Variants in REPS2 observed in about 807,000 individuals in gnomAD.
REPS2 encodes ralBP1-associated Eps domain-containing protein 2.
REPS2 carries 23 observed loss-of-function variants against 53.6 expected under a neutral mutation model. That is an observed-to-expected ratio of 0.43 (90% CI 0.31 to 0.61). The LOEUF is 0.61. Ranked by LOEUF, REPS2 falls within the 20% of genes least tolerant of loss-of-function variation. The pLI, the probability that REPS2 is intolerant of heterozygous loss-of-function variation, is 0.11. For missense variants in REPS2, 446 were observed against 534.9 expected (o/e 0.83, Z 1.64); for synonymous variants, 238 against 218.6 (o/e 1.09, Z -0.78).
intron 2 of REPS2, among the ~76,000 whole-genome samples, chrX:17,009,995 G>T (rs1048594611): frequency 1.8e-5 from 2 of 110,926 alleles, no homozygotes; most frequent in Non-Finnish European, 3.8e-5. Context: ...ATTTTATCTT[G>T]CAGTCTTGGG....
chrX:17,024,529 C>A (rs1434188640), intron 3 of REPS2, among the ~76,000 whole-genome samples: 7 of 106,645 alleles, frequency 6.6e-5, no homozygotes, highest in African/African-American at 2.1e-4. Context: ...AATGGTTTAC[C>A]TATAATGAAT....
At chrX:16,979,735 T>C (rs1274269736) in intron 1 of REPS2, among the ~76,000 whole-genome samples, 1 of 111,930 alleles carries the variant, frequency 8.9e-6, no homozygotes, top group Non-Finnish European at 1.9e-5. Flanking sequence ...TCCTAAATAG[T>C]GTCTACAGAC....
intron 1 of REPS2, among the ~76,000 whole-genome samples, chrX:17,001,789 G>A (rs1178364499): frequency 8.9e-6 from 1 of 111,986 alleles, no homozygotes; most frequent in African/African-American, 3.2e-5. Flanking sequence ...ATCATGGCAG[G>A]AGGCAAAAGG....
intron 14 of REPS2, among the ~76,000 whole-genome samples, chrX:17,119,077 C>G (rs1348608278): frequency 8.9e-6 from 1 of 112,370 alleles, no homozygotes; most frequent in Non-Finnish European, 1.9e-5. Flanking sequence ...ATTTAAGCCT[C>G]ACAACAACCA....
chrX:17,018,814 A>T (rs898961614), intron 2 of REPS2, among the ~76,000 whole-genome samples: 3 of 106,397 alleles, frequency 2.8e-5, no homozygotes, highest in Non-Finnish European at 5.8e-5. Flanking sequence ...AAATTGAGGT[A>T]TTTTTTTTTC....
At chrX:16,973,779 A>G (rs2060922931) in intron 1 of REPS2, among the ~76,000 whole-genome samples, 1 of 109,622 alleles carries the variant, frequency 9.1e-6, no homozygotes, top group African/African-American at 3.4e-5. Flanking sequence ...TCATATATGT[A>G]TATGTATTTT....
At chrX:16,978,461 G>T in intron 1 of REPS2, 2 of 362,952 alleles carry the variant, frequency 5.5e-6, no homozygotes, top group Non-Finnish European at 7.1e-6. Flanking sequence ...TGTCAGCCTT[G>T]GCTGGTTTCC....
chrX:16,981,737 A>G, intron 1 of REPS2, among the ~76,000 whole-genome samples: 1 of 112,517 alleles, frequency 8.9e-6, no homozygotes, highest in Non-Finnish European at 1.9e-5. Context: ...GATCTGGAAA[A>G]AAAAGGATGA....
At chrX:17,032,168 A>G (rs2061716132) in intron 5 of REPS2, among the ~76,000 whole-genome samples, 1 of 112,080 alleles carries the variant, frequency 8.9e-6, no homozygotes, top group South Asian at 3.7e-4. Flanking sequence ...CTGGTAGATT[A>G]CATGGGTCTG....
chrX:16,973,122 G>T (rs983281788), intron 1 of REPS2, among the ~76,000 whole-genome samples: 9 of 111,616 alleles, frequency 8.1e-5, no homozygotes, highest in Non-Finnish European at 1.5e-4. Context: ...TTTGTTTGAT[G>T]CTTTCTTATG....
chrX:17,154,827 A>T (rs762045347), downstream of REPS2, among the ~76,000 whole-genome samples: 6 of 112,541 alleles, frequency 5.3e-5, no homozygotes, highest in East Asian at 1.7e-3. Context: ...GTTTTGGTGA[A>T]CACAGTATGT....
intron 17 of REPS2, among the ~76,000 whole-genome samples, chrX:17,142,206 A>T (rs1015546939): frequency 2.8e-4 from 32 of 112,288 alleles, no homozygotes; most frequent in African/African-American, 9.1e-4. Flanking sequence ...ATCTATACAG[A>T]GATTAACTTG....
chrX:17,113,034 G>A (rs1477288769), intron 14 of REPS2, among the ~76,000 whole-genome samples: 2 of 89,224 alleles, frequency 2.2e-5, no homozygotes, highest in Admixed American at 1.4e-4. Flanking sequence ...GGAGCTTGCA[G>A]TGAGCCAAGA....
At chrX:17,160,490 G>T in the REPS2 span, among the ~76,000 whole-genome samples, 32 of 112,604 alleles carry the variant, frequency 2.8e-4, no homozygotes, top group East Asian at 6.4e-3. Flanking sequence ...CTTTCATTCC[G>T]TGACATCCAT....
chrX:16,958,974 T>C (rs1238194401), intron 1 of REPS2, among the ~76,000 whole-genome samples: 2 of 112,264 alleles, frequency 1.8e-5, no homozygotes, highest in Non-Finnish European at 3.8e-5. Context: ...CAGACCTCCA[T>C]GAAGGAGAAG....
chrX:17,098,303 G>A (rs1337655501), intron 13 of REPS2, among the ~76,000 whole-genome samples: 1 of 111,880 alleles, frequency 8.9e-6, no homozygotes, highest in Non-Finnish European at 1.9e-5. Context: ...TAGAGTTACA[G>A]CTCTGATTAA....
intron 1 of REPS2, among the ~76,000 whole-genome samples, chrX:16,982,049 A>G (rs997053760): frequency 8.9e-6 from 1 of 111,906 alleles, no homozygotes; most frequent in African/African-American, 3.3e-5. Context: ...GCCATTTCAT[A>G]TAAATGGAAT....
In REPS2 at chrX:17,153,179, T is replaced by C. The variant is rs1330975420; in HGVS notation, c.*5698T>C. The C allele has an allele frequency of 8.9e-6, 1 of 112,481 alleles. No individual in the cohort carries two copies. The highest frequency in any genetic ancestry group is 1.9e-5 in the Non-Finnish European group (1 of 53,248). 9.3% of individuals were successfully genotyped at this position (112,481 alleles called of 1,213,427 possible). A position where few individuals can be genotyped will look rare whatever the true frequency, so the allele number is the denominator to read the frequency against. On this transcript the variant is annotated 3_prime_UTR_variant, in exon 18 of 18. Transcript: ENST00000357277. ...CCTCTTTTTCACACTTGTTGAAAAG[T>C]CTGTGAAGAACATAGTTAAAGATCT...
chrX:17,050,520 A>G (rs1393317335), intron 6 of REPS2, among the ~76,000 whole-genome samples: 2 of 110,762 alleles, frequency 1.8e-5, no homozygotes, highest in African/African-American at 6.6e-5. Context: ...AATAGGTTCT[A>G]CCATCTAGCC....
Sources: allele counts gnomAD v4.1 joint callset (sites outside exome capture counted in the v4.1 genomes callset), GRCh38; gene constraint gnomAD v4.1.1; transcripts MANE v1.5; gene names NCBI Gene and HGNC (gene_info 2026-07-23, HGNC 2026-07-21).